The following JMJD1C variants were observed in gnomAD, a reference collection of about 807,000 sequenced individuals.
The protein encoded by JMJD1C is jumonji domain-containing protein 1C.
JMJD1C carries 31 observed loss-of-function variants against 245.3 expected under a neutral mutation model. The observed-to-expected ratio is 0.13, with a 90% CI of 0.09 to 0.17. The LOEUF (loss-of-function observed/expected upper bound fraction) is 0.17. JMJD1C is among the 10% of genes least tolerant of loss of function. The pLI is 1.00. For synonymous variants in JMJD1C, 1,057 were observed against 1,017.4 expected, an observed-to-expected ratio of 1.04 and a Z score of -0.74; for missense variants, 2,691 against 3,000.2, an observed-to-expected ratio of 0.90 and a Z score of 2.41.
At chr10:63,202,905 G>A in intron 10 of JMJD1C, 1 of 972,392 alleles carries the variant, frequency 1.0e-6, no homozygotes, top group East Asian at 1.1e-4. Flanking sequence ...TATTACACTA[G>A]AATAAACTAA....
At chr10:63,226,224 T>C (rs558700563) in intron 3 of JMJD1C, among the ~76,000 whole-genome samples, 1 of 152,258 alleles carries the variant, frequency 6.6e-6, no homozygotes, top group African/African-American at 2.4e-5. Flanking sequence ...CAAATACTCA[T>C]CAAAGAGAGG....
chr10:63,392,562 C>T (rs1213790435), intron 1 of JMJD1C, among the ~76,000 whole-genome samples: 2 of 152,028 alleles, frequency 1.3e-5, no homozygotes, highest in Non-Finnish European at 2.9e-5. Flanking sequence ...CATGGTGGCT[C>T]ATGCCTGTAA....
At chr10:63,379,540 C>T (rs1449876905) in intron 2 of JMJD1C, among the ~76,000 whole-genome samples, 4 of 152,074 alleles carry the variant, frequency 2.6e-5, no homozygotes, top group Non-Finnish European at 5.9e-5. Flanking sequence ...TAATCCATTA[C>T]CTGAATAATT....
chr10:63,430,700 T>C (rs1950694999), intron 1 of JMJD1C, among the ~76,000 whole-genome samples: 1 of 152,194 alleles, frequency 6.6e-6, no homozygotes, highest in Admixed American at 6.5e-5. Flanking sequence ...TACAAATCAA[T>C]GAATTTTATA....
At chr10:63,186,112 T>A in intron 19 of JMJD1C, 103 bp downstream of exon 19, 1 of 885,200 alleles carries the variant, frequency 1.1e-6, no homozygotes, top group Non-Finnish European at 1.7e-6. Flanking sequence ...TTAGACAACA[T>A]AAAACAGATG....
At chr10:63,486,119 A>C (rs1278137349) in intron 1 of JMJD1C, among the ~76,000 whole-genome samples, 1 of 139,978 alleles carries the variant, frequency 7.1e-6, no homozygotes, top group Non-Finnish European at 1.5e-5. Flanking sequence ...GGGGAAAGTA[A>C]AGGGCTTCAA....
In JMJD1C at chr10:63,209,151, G is replaced by A; in HGVS notation, c.2779C>T (p.Pro927Ser). ...GGCCGATGAGGCTCTGCACTGGAAG[G>A]TCTGACAGGAATGTGACTAAGTAAT... is the stretch of plus-strand genomic sequence containing the variant. ...IGLLSHIPVR[P>S]SSAEPHRPLK... is the part of the protein sequence containing the mutation. Residue 927 changes from proline to serine, a missense_variant, in exon 9 of 26, where the codon CCT (proline) becomes TCT (serine). This residue lies in a region of JMJD1C where 1,562 missense variants were observed against 1,490.7 expected (regional missense o/e 1.05). Transcript: ENST00000399262. 1.2e-6 allele frequency: 2 copies of A among 1,613,944 alleles called. No individual in the cohort carries two copies. Among genetic ancestry groups the A allele is most frequent in the East Asian group, 2.2e-5 (1 of 44,874 alleles).
chr10:63,353,599 TC>T (rs1404122705), intron 2 of JMJD1C, among the ~76,000 whole-genome samples: 1 of 151,970 alleles, frequency 6.6e-6, no homozygotes, highest in Non-Finnish European at 1.5e-5. Context: ...CACTGCAACC[TC>T]TTCCTCCCAA....
At chr10:63,293,515 A>G (rs1186540005) in intron 2 of JMJD1C, among the ~76,000 whole-genome samples, 4 of 152,122 alleles carry the variant, frequency 2.6e-5, no homozygotes, top group Admixed American at 2.6e-4. Context: ...TTCCTTCTTT[A>G]TCAAAAATAC....
intron 2 of JMJD1C, among the ~76,000 whole-genome samples, chr10:63,352,341 G>C (rs1944432532): frequency 6.6e-6 from 1 of 152,060 alleles, no homozygotes; most frequent in African/African-American, 2.4e-5. Context: ...AAAAGGATAA[G>C]TAAACTGGAA....
intron 1 of JMJD1C, among the ~76,000 whole-genome samples, chr10:63,383,328 T>C (rs1217611448): frequency 1.3e-5 from 2 of 152,052 alleles, no homozygotes; most frequent in African/African-American, 4.8e-5. Context: ...TTAACATCTG[T>C]TTCTAGTTAA....
intron 1 of JMJD1C, among the ~76,000 whole-genome samples, chr10:63,486,406 G>T (rs1259133497): frequency 6.6e-6 from 1 of 152,106 alleles, no homozygotes; most frequent in Non-Finnish European, 1.5e-5. Context: ...AAAGGAAACT[G>T]AAGGCATTTA....
chr10:63,403,065 A>C (rs1948960455), intron 1 of JMJD1C, among the ~76,000 whole-genome samples: 1 of 152,210 alleles, frequency 6.6e-6, no homozygotes, highest in South Asian at 2.1e-4. Context: ...AAAGAAAGTT[A>C]AGGAAAAACT....
intron 2 of JMJD1C, among the ~76,000 whole-genome samples, chr10:63,375,535 CGTGTGTGT>C (rs1206144769): frequency 7.5e-5 from 11 of 147,372 alleles, no homozygotes; most frequent in African/African-American, 1.0e-4. Context: ...AATATTTACA[CGTGTGTGT>C]GTGTGTGTGT....
intron 3 of JMJD1C, among the ~76,000 whole-genome samples, chr10:63,230,514 G>A (rs1022062901): frequency 2.0e-5 from 3 of 152,052 alleles, no homozygotes; most frequent in African/African-American, 7.2e-5. Flanking sequence ...AAACATAAGA[G>A]CTAAATGTTT....
At chr10:63,303,995 T>G (rs1200896923) in intron 2 of JMJD1C, among the ~76,000 whole-genome samples, 1 of 152,188 alleles carries the variant, frequency 6.6e-6, no homozygotes, top group Non-Finnish European at 1.5e-5. Flanking sequence ...GTTATGGAAC[T>G]GATGTTAGAA....
At chr10:63,258,523 A>G (rs1463378398) in intron 3 of JMJD1C, among the ~76,000 whole-genome samples, 1 of 152,156 alleles carries the variant, frequency 6.6e-6, no homozygotes, top group Middle Eastern at 3.2e-3. Context: ...TCTCTTCTTT[A>G]GCTAAGCTGA....
At chr10:63,389,830 G>A (rs1209418687) in intron 1 of JMJD1C, among the ~76,000 whole-genome samples, 1 of 152,096 alleles carries the variant, frequency 6.6e-6, no homozygotes, top group Non-Finnish European at 1.5e-5. Flanking sequence ...GAAATCAAAT[G>A]TAGCTTTACA....
chr10:63,189,169 T>C lies in JMJD1C; in HGVS notation c.6569A>G (p.Gln2190Arg), dbSNP rs763428242. Residue 2190 changes from glutamine (Q) to arginine (R), a missense_variant and splice_region_variant, in exon 18 of 26, where the codon CAG becomes CGG. By Grantham distance (43) the Gln-to-Arg change is conservative (BLOSUM62 1). Around this residue, in one of 9 missense-constraint regions of JMJD1C, gnomAD observed 232 missense variants for 416.1 expected, o/e 0.56. Coordinates refer to ENST00000399262, the MANE Select transcript of JMJD1C (RefSeq NM_032776.3). Reference sequence around the variant, plus strand: ...TCTTTATCAGCCTAAAATACACACCTGTCCTTGTTTCCAACATTCTTTGAA... The same window carrying C: ...TCTTTATCAGCCTAAAATACACACCCGTCCTTGTTTCCAACATTCTTTGAA... The part of the protein sequence containing the change: ...KLFKECWKQG[Q>R]PAVVSGVHKK... 3.7e-6 allele frequency: 6 copies of C among 1,605,018 alleles called. No individual in the cohort carries two copies. Among genetic ancestry groups the C allele is most frequent in the South Asian group, 1.1e-5 (1 of 89,774 alleles).
Sources: allele counts gnomAD v4.1 joint callset (sites outside exome capture counted in the v4.1 genomes callset), GRCh38; gene constraint gnomAD v4.1.1; regional missense constraint gnomAD v4.1.1; transcripts MANE v1.5; gene names NCBI Gene and HGNC (gene_info 2026-07-23, HGNC 2026-07-21).